The following SLC26A8 variants were observed in gnomAD, a reference collection of about 807,000 sequenced individuals.
The protein encoded by SLC26A8 is testis anion transporter 1.
Under a neutral mutation model 105.0 loss-of-function variants are expected in SLC26A8, and 70 were observed. That is an observed-to-expected ratio of 0.67 (90% confidence interval 0.55 to 0.81). The LOEUF is 0.81. Among genes scored for constraint, SLC26A8 ranks in the 40% least tolerant of loss-of-function variants. The pLI, the probability that SLC26A8 is intolerant of heterozygous loss-of-function variation, is 0.00. For missense variants in SLC26A8, 998 were observed against 1,181.8 expected (o/e 0.84, Z 2.28); for synonymous variants, 415 against 438.3 (o/e 0.95, Z 0.66).
chr6:36,017,505 G>T (rs1762027238), intron 2 of SLC26A8, among the ~76,000 whole-genome samples: 2 of 152,090 alleles, frequency 1.3e-5, no homozygotes, highest in African/African-American at 4.8e-5. Context: ...GGTGGCACCT[G>T]CCTGTAGTCC....
At chr6:35,986,594 T>C (rs1204330960) in intron 7 of SLC26A8, among the ~76,000 whole-genome samples, 2 of 152,228 alleles carry the variant, frequency 1.3e-5, no homozygotes, top group African/African-American at 4.8e-5. Flanking sequence ...AATGAGATCA[T>C]GCAGTACTTT....
In SLC26A8 at chr6:35,943,933, G is replaced by C. The variant is rs749505029; in HGVS notation, c.2880C>G (p.Tyr960Ter). The change falls in exon 20 of 20, where the codon TAC (tyrosine) becomes TAG (stop). Residue 960 changes from tyrosine to a stop codon, truncating the protein, a stop_gained. Coordinates refer to ENST00000490799, the MANE Select transcript of SLC26A8 (RefSeq NM_052961.4). LOFTEE classifies it high-confidence loss of function. ...VERRRHPMDS[Y>*]SPEGNSNEDV ...CTTCATTGCTGTTGCCCTCTGGTGA[G>C]TATGAATCCATAGGATGGCGTCTCC... 9.3e-6 allele frequency: 15 copies of C among 1,614,022 alleles called. No homozygotes were observed. Among genetic ancestry groups the C allele is most frequent in the Non-Finnish European group, 1.2e-5 (14 of 1,180,016 alleles).
intron 11 of SLC26A8, among the ~76,000 whole-genome samples, chr6:35,966,471 C>T (rs1403108828): frequency 2.6e-5 from 4 of 152,246 alleles, no homozygotes; most frequent in Admixed American, 6.5e-5. Flanking sequence ...GAAACATGCT[C>T]ATGGTGTAAA....
intron 19 of SLC26A8, among the ~76,000 whole-genome samples, chr6:35,947,424 T>G (rs370824788): frequency 1.3e-5 from 2 of 152,304 alleles, no homozygotes; most frequent in African/African-American, 4.8e-5. Flanking sequence ...AGAGGTTTAG[T>G]TAATGCAATA....
At chr6:36,017,040 C>T (rs368175306) in intron 2 of SLC26A8, among the ~76,000 whole-genome samples, 12 of 152,080 alleles carry the variant, frequency 7.9e-5, no homozygotes, top group Admixed American at 1.3e-4. Flanking sequence ...GGTGTGGTGG[C>T]GCACACCTGT....
At chr6:35,957,441 A>C (rs1772120444) in intron 16 of SLC26A8, among the ~76,000 whole-genome samples, 1 of 151,988 alleles carries the variant, frequency 6.6e-6, no homozygotes. Flanking sequence ...AAGAAAAGAA[A>C]AGTGGTGTGG....
chr6:35,955,071 C>A, intron 17 of SLC26A8, 81 bp downstream of exon 17: 1 of 1,562,140 alleles, frequency 6.4e-7, no homozygotes, highest in African/African-American at 1.3e-5. Flanking sequence ...CAGTGACTAA[C>A]AGAATTCAAT....
At chr6:35,986,609 TCTGTGC>T (rs1773535580) in intron 7 of SLC26A8, among the ~76,000 whole-genome samples, 1 of 152,208 alleles carries the variant, frequency 6.6e-6, no homozygotes, top group South Asian at 2.1e-4. Context: ...TACTTTTCTT[TCTGTGC>T]CTGGCTTATT....
chr6:36,009,948 A>G lies in SLC26A8; in HGVS notation c.328+2285T>C, dbSNP rs182994322. Among the ~76,000 whole-genome samples, 288 of 152,334 alleles carry G rather than the reference A, an allele frequency of 1.9e-3. 1 individual carries two copies. Among genetic ancestry groups the G allele is most frequent in the African/African-American group, 6.6e-3 (276 of 41,574 alleles). On this transcript the variant is annotated intron_variant, in intron 3 of 19. Coordinates refer to ENST00000490799, the MANE Select transcript of SLC26A8 (RefSeq NM_052961.4). ...GTTTGATTTTAAAAATATTGACAAT[A>G]TCAAGTGCTGATGAGGATGTGGAGG...
chr6:35,955,289 C>G lies in SLC26A8; in HGVS notation c.2095G>C (p.Asp699His). The G allele has an allele frequency of 6.2e-7, 1 of 1,614,214 alleles. No homozygotes were observed. Among genetic ancestry groups the G allele is most frequent in the South Asian group, 1.1e-5 (1 of 91,084 alleles). The change falls in exon 17 of 20, where the codon GAT becomes CAT. Residue 699 changes from aspartate to histidine, a missense_variant. Coordinates refer to ENST00000490799, the MANE Select transcript of SLC26A8 (RefSeq NM_052961.4). Reference sequence around the variant, plus strand: ...CTCCTCCCCTGGCTTTCCGCCACATCAGGCAGTCCTGGTGAGCTGTTTCTT... The same window carrying G: ...CTCCTCCCCTGGCTTTCCGCCACATGAGGCAGTCCTGGTGAGCTGTTTCTT... Reference protein sequence around the residue: ...SSRNSSPGLPDVAESQGRRSL... With the variant: ...SSRNSSPGLPHVAESQGRRSL...
intron 19 of SLC26A8, among the ~76,000 whole-genome samples, chr6:35,950,414 G>A (rs145037058): frequency 2.1e-3 from 326 of 151,946 alleles, no homozygotes; most frequent in Non-Finnish European, 4.1e-3. Context: ...AGCCTCCCAA[G>A]CAACTGGGAC....
intron 11 of SLC26A8, among the ~76,000 whole-genome samples, chr6:35,964,930 G>A (rs575787422): frequency 7.6e-4 from 114 of 149,110 alleles, no homozygotes; most frequent in Non-Finnish European, 1.3e-3. Flanking sequence ...TTGGGCCACC[G>A]CTCTCCAGTC....
Position 35,944,008 on chromosome 6 carries a change from A to G in SLC26A8, c.2805T>C (p.Ser935=), listed in dbSNP as rs545545519. Residue 935 remains serine (S), a synonymous_variant, in exon 20 of 20, where the codon TCT becomes TCC. Transcript: ENST00000490799. ...QQRYWPMYHP[S]MASTQSQTQT... ...GAGTCTGAGACTGGGTGGAAGCCAT[A>G]GACGGATGATACATAGGCCAGTAAC... 9 of 1,614,176 alleles carry G rather than the reference A, an allele frequency of 5.6e-6. No individual in the cohort carries two copies. The South Asian group carries it at 7.7e-5, about 14-fold the overall frequency.
In SLC26A8 at chr6:35,948,772, A is replaced by T. The variant is rs139545204; in HGVS notation, c.2472+2391T>A. On this transcript the variant is annotated intron_variant, in intron 19 of 19. Transcript: ENST00000490799. ...GTTGGATGGTGGTATGATTTGCATG[A>T]GTGGCTTCCAAAATCCATCCACATT... 1.6e-3 allele frequency among the ~76,000 whole-genome samples: 251 copies of T among 152,312 alleles called. 6 individuals are homozygous for T. In the South Asian group the frequency reaches 0.024, roughly 15 times the overall value.
chr6:36,023,725 C>A (rs1472519628), intron 1 of SLC26A8, among the ~76,000 whole-genome samples: 2 of 152,030 alleles, frequency 1.3e-5, no homozygotes, highest in Admixed American at 6.6e-5. Flanking sequence ...AATTTACTTC[C>A]GAATTTTCAA....
rs143275079 is a variant in SLC26A8 at position 35,970,090 on chromosome 6, C to T, written c.1288-1136G>A. 4.3e-3 allele frequency among the ~76,000 whole-genome samples: 648 copies of T among 152,206 alleles called. 3 individuals are homozygous for T. Among genetic ancestry groups the T allele is most frequent in the Non-Finnish European group, 5.5e-3 (376 of 68,008 alleles). ...ATAGAAACCAGTGTCATTTTCACTGCGATGGGAATAGGGGATGGGGCAAAA... is the reference window on the plus strand; with the variant it reads ...ATAGAAACCAGTGTCATTTTCACTGTGATGGGAATAGGGGATGGGGCAAAA... On this transcript the variant is annotated intron_variant, in intron 10 of 19. Coordinates refer to ENST00000490799, the MANE Select transcript of SLC26A8 (RefSeq NM_052961.4).
intron 19 of SLC26A8, among the ~76,000 whole-genome samples, chr6:35,944,828 G>T (rs1055887175): frequency 2.0e-5 from 3 of 152,028 alleles, no homozygotes; most frequent in Admixed American, 2.0e-4. Context: ...AATATTTCTT[G>T]CCTAAATCTA....
chr6:36,000,237 T>G, intron 3 of SLC26A8, 129 bp from the exon 4 acceptor site: 1 of 629,534 alleles, frequency 1.6e-6, no homozygotes, highest in Non-Finnish European at 2.8e-6. Flanking sequence ...ATAGTATTTC[T>G]GGACATACAA....
intron 7 of SLC26A8, chr6:35,990,504 GATTTT>G (rs1773723048): frequency 1.3e-5 from 2 of 153,966 alleles, no homozygotes. Context: ...TCAACTCTTG[GATTTT>G]ATTTTATTTT....
Sources: gnomAD v4.1 joint callset for allele counts (sites outside exome capture counted in the v4.1 genomes callset) on GRCh38, gnomAD v4.1.1 for gene constraint, MANE v1.5 for transcripts, NCBI Gene and HGNC (gene_info 2026-07-23, HGNC 2026-07-21) for gene names.